The following PTPRT variants were observed in gnomAD, a reference collection of about 807,000 sequenced individuals.
PTPRT encodes receptor-type tyrosine-protein phosphatase T.
In PTPRT, 56 loss-of-function variants were observed where a neutral mutation model predicts 176.8. The observed-to-expected ratio is 0.32, with a 90% confidence interval of 0.26 to 0.40. The LOEUF (loss-of-function observed/expected upper bound fraction) is 0.40, where lower values mean the gene tolerates loss of function less well. Among genes scored for constraint, PTPRT ranks in the 10% least tolerant of loss-of-function variants. The pLI is 1.00. For missense variants in PTPRT, 1,540 were observed against 1,908.2 expected, an observed-to-expected ratio of 0.81 and a Z score of 3.60; for synonymous variants, 783 against 739.0, an observed-to-expected ratio of 1.06 and a Z score of -0.96.
chr20:42,119,573 G>T (rs978809873), intron 20 of PTPRT, among the ~76,000 whole-genome samples: 1 of 152,198 alleles, frequency 6.6e-6, no homozygotes, highest in Non-Finnish European at 1.5e-5. Flanking sequence ...TGGAGATAAG[G>T]CACCATCAGC....
At chr20:42,041,201 A>G in the PTPRT span, among the ~76,000 whole-genome samples, 40 of 152,032 alleles carry the variant, frequency 2.6e-4, no homozygotes, top group Admixed American at 7.9e-4. Flanking sequence ...ACTGCCCTCG[A>G]TGCTCCCGTT....
chr20:42,763,830 C>A (rs762053368), intron 5 of PTPRT, among the ~76,000 whole-genome samples: 11 of 152,128 alleles, frequency 7.2e-5, no homozygotes, highest in African/African-American at 2.4e-4. Flanking sequence ...CCTCTATGTA[C>A]GTGGCTGACT....
At chr20:42,315,583 T>G in intron 12 of PTPRT, 140 bp downstream of exon 12, 1 of 982,980 alleles carries the variant, frequency 1.0e-6, no homozygotes, top group Non-Finnish European at 1.5e-6. Flanking sequence ...CTATTATTTT[T>G]TTAATTTAAA....
At position 42,440,157 on chromosome 20, in the gene PTPRT, G is replaced by A. The variant is rs558834735; in HGVS notation, c.1560+8063C>T. Among the ~76,000 whole-genome samples, 8 of 152,162 alleles carry A rather than the reference G, an allele frequency of 5.3e-5. No individual in the cohort carries two copies. In the South Asian group the frequency reaches 1.5e-3, roughly 28 times the overall value. On this transcript the variant is annotated intron_variant, in intron 9 of 30. Transcript: ENST00000373187. ...CTTGACCTCATGATTCACCCACCTC[G>A]GCCTCCCACAGTGCTGGGATTACAG...
chr20:42,936,666 C>T (rs1980212695), intron 1 of PTPRT, among the ~76,000 whole-genome samples: 1 of 152,024 alleles, frequency 6.6e-6, no homozygotes, highest in South Asian at 2.1e-4. Context: ...TAGATGAGAG[C>T]CAATGATGAC....
intron 9 of PTPRT, among the ~76,000 whole-genome samples, chr20:42,407,870 A>G (rs1336671011): frequency 6.6e-6 from 1 of 152,140 alleles, no homozygotes; most frequent in Non-Finnish European, 1.5e-5. Context: ...AAAAAATCAG[A>G]AGAAACTCCC....
At chr20:43,126,714 T>C (rs2013452080) in intron 1 of PTPRT, among the ~76,000 whole-genome samples, 1 of 152,228 alleles carries the variant, frequency 6.6e-6, no homozygotes, top group South Asian at 2.1e-4. Flanking sequence ...CTCTTGAGAA[T>C]GACACCACCC....
intron 6 of PTPRT, among the ~76,000 whole-genome samples, chr20:42,723,502 C>T (rs550170296): frequency 1.6e-4 from 25 of 152,286 alleles, no homozygotes; most frequent in African/African-American, 5.8e-4. Flanking sequence ...TGTAGCAATG[C>T]GGGCACCTGC....
intron 18 of PTPRT, among the ~76,000 whole-genome samples, chr20:42,129,204 C>A (rs1988009775): frequency 6.6e-6 from 1 of 152,170 alleles, no homozygotes; most frequent in African/African-American, 2.4e-5. Context: ...GATTAATATA[C>A]TCCATTTTCA....
At chr20:42,547,886 T>C (rs1041829078) in intron 7 of PTPRT, among the ~76,000 whole-genome samples, 1 of 152,044 alleles carries the variant, frequency 6.6e-6, no homozygotes, top group Non-Finnish European at 1.5e-5. Context: ...TAGCTAGATA[T>C]AATATCAACT....
At chr20:42,882,071 C>T (rs2079020311) in intron 2 of PTPRT, among the ~76,000 whole-genome samples, 1 of 152,142 alleles carries the variant, frequency 6.6e-6, no homozygotes, top group Non-Finnish European at 1.5e-5. Context: ...TAGCAGGGAG[C>T]TCGTCATACA....
At chr20:42,306,507 G>C (rs1219627769) in intron 12 of PTPRT, among the ~76,000 whole-genome samples, 1 of 152,202 alleles carries the variant, frequency 6.6e-6, no homozygotes, top group Admixed American at 6.5e-5. Flanking sequence ...TGGAAAGGTT[G>C]TGATGATAAT....
chr20:42,592,887 T>G (rs1178412782), intron 7 of PTPRT, among the ~76,000 whole-genome samples: 1 of 152,222 alleles, frequency 6.6e-6, no homozygotes, highest in Non-Finnish European at 1.5e-5. Flanking sequence ...AAGAGTCTTC[T>G]GTATCCTTTG....
intron 9 of PTPRT, among the ~76,000 whole-genome samples, chr20:42,369,925 C>T (rs1003596954): frequency 2.6e-5 from 4 of 152,164 alleles, no homozygotes; most frequent in African/African-American, 9.7e-5. Context: ...CCTAAGTGAA[C>T]ACCTCATCTG....
chr20:42,192,504 A>G (rs1228711158), intron 16 of PTPRT, among the ~76,000 whole-genome samples: 2 of 152,196 alleles, frequency 1.3e-5, no homozygotes, highest in Admixed American at 1.3e-4. Flanking sequence ...AAACCCTTTT[A>G]TGAGGTCTGT....
intron 1 of PTPRT, among the ~76,000 whole-genome samples, chr20:43,159,607 C>T (rs145483420): frequency 6.6e-5 from 10 of 152,302 alleles, no homozygotes; most frequent in African/African-American, 2.2e-4. Flanking sequence ...GAAGGGAAAA[C>T]TTACTTGCTC....
intron 1 of PTPRT, among the ~76,000 whole-genome samples, chr20:42,948,204 G>A (rs561852495): frequency 6.6e-6 from 1 of 152,250 alleles, no homozygotes; most frequent in African/African-American, 2.4e-5. Context: ...TCAAGGCCCT[G>A]CACCAGGACC....
At chr20:42,489,822 C>T (rs1184019188) in intron 7 of PTPRT, among the ~76,000 whole-genome samples, 1 of 152,114 alleles carries the variant, frequency 6.6e-6, no homozygotes, top group Non-Finnish European at 1.5e-5. Context: ...AAATCTTTGC[C>T]CAACTCTAGT....
chr20:43,002,299 C>A (rs953610906), intron 1 of PTPRT, among the ~76,000 whole-genome samples: 1 of 151,974 alleles, frequency 6.6e-6, no homozygotes, highest in African/African-American at 2.4e-5. Flanking sequence ...AGTGTGAAAA[C>A]GAACTAATAC....
Sources: gnomAD v4.1 joint callset for allele counts (sites outside exome capture counted in the v4.1 genomes callset) on GRCh38, gnomAD v4.1.1 for gene constraint, MANE v1.5 for transcripts, NCBI Gene and HGNC (gene_info 2026-07-23, HGNC 2026-07-21) for gene names.